ELMO1: variants seen among roughly 807,000 people sequenced by gnomAD.
ELMO1 encodes engulfment and cell motility protein 1.
ELMO1 carries 26 observed loss-of-function variants against 98.9 expected under a neutral mutation model. The ratio of observed to expected loss-of-function variants is 0.26; its 90% CI spans 0.19 to 0.36. ELMO1 has a LOEUF of 0.36. ELMO1 is among the 10% of genes least tolerant of loss of function. ELMO1 has a pLI of 1.00. For missense variants in ELMO1, 627 were observed against 935.2 expected (o/e 0.67, Z 4.30); for synonymous variants, 346 against 346.0 (o/e 1.00, Z 0.00).
At chr7:36,995,104 T>C (rs569162251) in intron 16 of ELMO1, among the ~76,000 whole-genome samples, 23 of 152,284 alleles carry the variant, frequency 1.5e-4, no homozygotes, top group African/African-American at 5.5e-4. Context: ...GTAGCAAAGA[T>C]GGGGAACATT....
chr7:37,222,842 T>G (rs1024423322), intron 9 of ELMO1, 149 bp from the exon 10 acceptor site: 1 of 651,458 alleles, frequency 1.5e-6, no homozygotes, highest in African/African-American at 1.8e-5. Context: ...CATTTTGCAC[T>G]GAGAATGCAT....
intron 16 of ELMO1, among the ~76,000 whole-genome samples, chr7:36,992,044 T>C (rs1488202061): frequency 1.8e-4 from 28 of 152,240 alleles, no homozygotes; most frequent in Admixed American, 1.8e-3. Context: ...GGCTGAGTTA[T>C]AAAATATGAG....
At chr7:37,429,545 A>C (rs1269632906) in intron 1 of ELMO1, 1 of 152,274 alleles carries the variant, frequency 6.6e-6, no homozygotes, top group Non-Finnish European at 1.5e-5. Context: ...CCTGCTGGGC[A>C]TATTCTACAT....
chr7:36,894,473 C>T (rs1805817368), intron 17 of ELMO1, among the ~76,000 whole-genome samples: 1 of 152,216 alleles, frequency 6.6e-6, no homozygotes, highest in South Asian at 2.1e-4. Flanking sequence ...GAATGGGCCT[C>T]ACTCTGGCTG....
chr7:37,075,701 T>C (rs1401850484), intron 15 of ELMO1, among the ~76,000 whole-genome samples: 1 of 151,984 alleles, frequency 6.6e-6, no homozygotes, highest in Non-Finnish European at 1.5e-5. Flanking sequence ...GAAGCCCTTC[T>C]AGGAGGGGGA....
intron 1 of ELMO1, among the ~76,000 whole-genome samples, chr7:37,390,792 G>C (rs771200904): frequency 6.6e-6 from 1 of 152,196 alleles, no homozygotes; most frequent in Admixed American, 6.5e-5. Context: ...ACCAGGTGTT[G>C]AGGGCCATGA....
At chr7:37,057,389 C>T (rs1240996570) in intron 15 of ELMO1, among the ~76,000 whole-genome samples, 1 of 152,124 alleles carries the variant, frequency 6.6e-6, no homozygotes, top group African/African-American at 2.4e-5. Context: ...CACAGCCTGC[C>T]CTTTGTGGGG....
chr7:37,063,277 G>C (rs897367706), intron 15 of ELMO1, among the ~76,000 whole-genome samples: 1 of 152,186 alleles, frequency 6.6e-6, no homozygotes, highest in Non-Finnish European at 1.5e-5. Context: ...GAGGAGGGCT[G>C]TAGGTTGTAT....
chr7:37,251,172 A>G (rs1236093279), intron 6 of ELMO1, among the ~76,000 whole-genome samples: 1 of 152,178 alleles, frequency 6.6e-6, no homozygotes, highest in Non-Finnish European at 1.5e-5. Context: ...CCTTCTTTCA[A>G]ATAAAATAAA....
At chr7:36,962,666 CGGGGGTGGGGT>C (rs762459066) in intron 16 of ELMO1, among the ~76,000 whole-genome samples, 2 of 62,496 alleles carry the variant, frequency 3.2e-5, no homozygotes, top group African/African-American at 6.4e-5. Flanking sequence ...AGGGAATTAA[CGGGGGTGGGGT>C]GGGGGTGGGA....
At chr7:36,862,050 C>T (rs993470311) in intron 20 of ELMO1, 12 of 316,950 alleles carry the variant, frequency 3.8e-5, no homozygotes, top group South Asian at 2.8e-4. Context: ...CCTGCCTCCT[C>T]GCCCGCCACC....
At chr7:36,860,479 C>T (rs1434685318) in intron 21 of ELMO1, among the ~76,000 whole-genome samples, 1 of 152,196 alleles carries the variant, frequency 6.6e-6, no homozygotes, top group African/African-American at 2.4e-5. Context: ...TTTTTCTCTT[C>T]ATTGTATCTA....
intron 15 of ELMO1, among the ~76,000 whole-genome samples, chr7:37,016,756 G>A (rs907374514): frequency 5.9e-5 from 9 of 152,118 alleles, no homozygotes; most frequent in Non-Finnish European, 5.9e-5. Context: ...AGGCACAAAA[G>A]GAAGATATTA....
intron 16 of ELMO1, among the ~76,000 whole-genome samples, chr7:36,915,831 T>C (rs1238840288): frequency 2.0e-5 from 3 of 152,048 alleles, no homozygotes; most frequent in Admixed American, 6.5e-5. Flanking sequence ...TTGGAAAAGA[T>C]GTAAGCATCA....
intron 2 of ELMO1, among the ~76,000 whole-genome samples, chr7:37,321,891 G>T (rs767284272): frequency 3.2e-5 from 4 of 125,252 alleles, no homozygotes; most frequent in African/African-American, 1.2e-4. Flanking sequence ...GGAGTCTCCC[G>T]TTGTCGCCCA....
At chr7:36,874,836 G>T (rs1165422021) in intron 19 of ELMO1, among the ~76,000 whole-genome samples, 1 of 152,132 alleles carries the variant, frequency 6.6e-6, no homozygotes, top group Non-Finnish European at 1.5e-5. Flanking sequence ...GGAGAGGGGG[G>T]ATGTAAGAAG....
In ELMO1 at chr7:36,917,648, G is replaced by A. The variant is rs117024409; in HGVS notation, c.1438-22631C>T. Among the ~76,000 whole-genome samples, 809 of 152,312 alleles carry A rather than the reference G, an allele frequency of 5.3e-3. 2 individuals are homozygous for A. The highest frequency in any genetic ancestry group is 8.7e-3 in the Non-Finnish European group (594 of 68,026). On this transcript the variant is annotated intron_variant, in intron 16 of 21. Transcript: ENST00000310758. ...TGGTTCATACCAAATGGGGATGTAAGGAGATGGGAACTCTGATTTGTTTCT... is the reference window on the plus strand; with the variant it reads ...TGGTTCATACCAAATGGGGATGTAAAGAGATGGGAACTCTGATTTGTTTCT...
chr7:37,035,672 T>A (rs1795136948), intron 15 of ELMO1, among the ~76,000 whole-genome samples: 1 of 152,236 alleles, frequency 6.6e-6, no homozygotes, highest in Non-Finnish European at 1.5e-5. Flanking sequence ...TCCAGCATGA[T>A]TAGTGGTACT....
At chr7:37,359,601 G>A (rs1801622214) in intron 1 of ELMO1, among the ~76,000 whole-genome samples, 1 of 152,198 alleles carries the variant, frequency 6.6e-6, no homozygotes, top group Admixed American at 6.5e-5. Context: ...ATGGGTAGAT[G>A]GAGTCACTGA....
Sources: allele counts gnomAD v4.1 joint callset (sites outside exome capture counted in the v4.1 genomes callset), GRCh38; gene constraint gnomAD v4.1.1; transcripts MANE v1.5; gene names NCBI Gene and HGNC (gene_info 2026-07-23, HGNC 2026-07-21).